The following RMST variants were observed in gnomAD, a reference collection of about 807,000 sequenced individuals.
RMST encodes long intergenic non-protein coding RNA 54.
chr12:97,489,281 A>C (rs1876487964), intron 5 of RMST, among the ~76,000 whole-genome samples: 1 of 152,042 alleles, frequency 6.6e-6, no homozygotes, highest in African/African-American at 2.4e-5. Context: ...CCTCATCTCT[A>C]CTAAAAATAC....
At chr12:97,463,017 G>GTCTCTCTGTCTCTCTCTCTC (rs1555228361) in intron 3 of RMST, 1 of 129,898 alleles carries the variant, frequency 7.7e-6, no homozygotes, top group Admixed American at 8.1e-5. Flanking sequence ...CAAGTCAGCA[G>GTCTCTCTGTCTCTCTCTCTC]TCTCTCTCTC....
intron 11 of RMST, among the ~76,000 whole-genome samples, chr12:97,544,157 C>T (rs1565936709): frequency 6.6e-6 from 1 of 152,080 alleles, no homozygotes; most frequent in East Asian, 1.9e-4. Context: ...ATTGCATTAA[C>T]AAGCCCAAAG....
chr12:97,507,675 T>C (rs1878851204), intron 10 of RMST, among the ~76,000 whole-genome samples: 1 of 152,170 alleles, frequency 6.6e-6, no homozygotes, highest in Non-Finnish European at 1.5e-5. Context: ...GGTGGAGATC[T>C]CCAGAGGTTA....
chr12:97,502,729 G>C (rs1417660565), intron 10 of RMST, among the ~76,000 whole-genome samples: 1 of 152,180 alleles, frequency 6.6e-6, no homozygotes, highest in East Asian at 1.9e-4. Context: ...CTCCCACAGT[G>C]CTGGGATTCC....
intron 11 of RMST, among the ~76,000 whole-genome samples, chr12:97,538,781 C>G (rs191746103): frequency 5.4e-4 from 82 of 151,182 alleles, no homozygotes; most frequent in African/African-American, 2.0e-3. Context: ...AATTTCTATC[C>G]CCAAAGTTTT....
At chr12:97,560,097 T>A (rs1448787166) in intron 11 of RMST, among the ~76,000 whole-genome samples, 1 of 151,560 alleles carries the variant, frequency 6.6e-6, no homozygotes, top group Non-Finnish European at 1.5e-5. Flanking sequence ...TTGAAGTTCA[T>A]GAAGACTTAA....
chr12:97,497,526 G>T (rs751202394), intron 10 of RMST, among the ~76,000 whole-genome samples: 1 of 152,026 alleles, frequency 6.6e-6, no homozygotes, highest in African/African-American at 2.4e-5. Context: ...CACTGACCAG[G>T]GCAACTCCAC....
chr12:97,491,702 C>T (rs1005764315), intron 5 of RMST: 1 of 265,730 alleles, frequency 3.8e-6, no homozygotes, highest in Admixed American at 3.8e-5. Flanking sequence ...TACCCATATG[C>T]ATCATCTGCT....
intron 5 of RMST, among the ~76,000 whole-genome samples, chr12:97,479,756 G>A (rs891774776): frequency 2.0e-5 from 3 of 151,978 alleles, no homozygotes; most frequent in Non-Finnish European, 4.4e-5. Context: ...CTTTTCCTCA[G>A]TACTTTCATC....
chr12:97,541,022 A>G (rs965659016), intron 11 of RMST, among the ~76,000 whole-genome samples: 2 of 151,284 alleles, frequency 1.3e-5, no homozygotes, highest in Admixed American at 1.3e-4. Context: ...GTATATATAT[A>G]TATATATGTG....
chr12:97,537,470 C>T (rs937161373), intron 11 of RMST, among the ~76,000 whole-genome samples: 5 of 151,464 alleles, frequency 3.3e-5, no homozygotes, highest in Admixed American at 6.6e-5. Context: ...TTTATCTTCA[C>T]GAGCAAAAGG....
At chr12:97,480,401 A>C (rs1875135005) in intron 5 of RMST, among the ~76,000 whole-genome samples, 1 of 152,154 alleles carries the variant, frequency 6.6e-6, no homozygotes, top group African/African-American at 2.4e-5. Flanking sequence ...CGTTTCGTGA[A>C]TCCATCTGCA....
rs142631344 is a variant in RMST, at chr12:97,544,797, C to G, written n.1545+13938C>G. On this transcript the variant is annotated intron_variant and non_coding_transcript_variant, in intron 11 of 13. Transcript: ENST00000640149. ...CCAATGAAATCCCATTAAAAAGTCA[C>G]ATGACTTTTTGGAGGTTTATATAAT... Among the ~76,000 whole-genome samples the G allele has an allele frequency of 2.2e-3, 338 of 152,078 alleles. 2 individuals are homozygous for G. Among genetic ancestry groups the G allele is most frequent in the African/African-American group, 7.8e-3 (325 of 41,530 alleles).
chr12:97,529,278 C>T (rs1881412626), intron 10 of RMST, among the ~76,000 whole-genome samples: 1 of 151,930 alleles, frequency 6.6e-6, no homozygotes, highest in South Asian at 2.1e-4. Flanking sequence ...ATCTTTGCAG[C>T]ACTTTAAGCT....
chr12:97,472,139 T>C (rs1873995879), intron 5 of RMST, among the ~76,000 whole-genome samples: 1 of 152,156 alleles, frequency 6.6e-6, no homozygotes, highest in Admixed American at 6.6e-5. Flanking sequence ...TGTTGTATGA[T>C]GATGCTGTTG....
chr12:97,555,279 A>G (rs989595251), intron 11 of RMST, among the ~76,000 whole-genome samples: 2 of 152,224 alleles, frequency 1.3e-5, no homozygotes, highest in Non-Finnish European at 2.9e-5. Context: ...TTGACTGTAT[A>G]TTGATACCTT....
At chr12:97,479,366 T>C (rs1874953505) in intron 5 of RMST, among the ~76,000 whole-genome samples, 1 of 152,082 alleles carries the variant, frequency 6.6e-6, no homozygotes, top group African/African-American at 2.4e-5. Context: ...TTGCCCAGGC[T>C]ATTCTACAAC....
intron 10 of RMST, among the ~76,000 whole-genome samples, chr12:97,504,591 A>G (rs575996991): frequency 2.6e-5 from 4 of 152,178 alleles, no homozygotes; most frequent in Non-Finnish European, 5.9e-5. Flanking sequence ...AGAGTATGAT[A>G]TCATAAAACC....
At chr12:97,494,428 T>A (rs1877187173) in intron 8 of RMST, among the ~76,000 whole-genome samples, 1 of 152,114 alleles carries the variant, frequency 6.6e-6, no homozygotes, top group African/African-American at 2.4e-5. Context: ...CTCACACCTG[T>A]AAACCCAGCT....
Sources: allele counts gnomAD v4.1 joint callset (sites outside exome capture counted in the v4.1 genomes callset), GRCh38; gene constraint gnomAD v4.1.1; transcripts MANE v1.5; gene names NCBI Gene and HGNC (gene_info 2026-07-23, HGNC 2026-07-21).